The following CRB1 variants were observed in gnomAD, a reference collection of about 807,000 sequenced individuals.
The protein encoded by CRB1 is protein crumbs homolog 1.
In CRB1, 83 loss-of-function variants were observed where a neutral mutation model predicts 120.0. That is an observed-to-expected ratio of 0.69 (90% confidence interval 0.58 to 0.83). The LOEUF (loss-of-function observed/expected upper bound fraction) is 0.83, where lower values mean the gene tolerates loss of function less well. Among genes scored for constraint, CRB1 ranks in the 40% least tolerant of loss-of-function variants. CRB1 has a pLI of 0.00. For missense variants in CRB1, 1,699 were observed against 1,687.6 expected (o/e 1.01, Z -0.12); for synonymous variants, 625 against 612.5 (o/e 1.02, Z -0.30).
the CRB1 span, among the ~76,000 whole-genome samples, chr1:197,223,686 C>T: frequency 6.6e-6 from 1 of 152,076 alleles, no homozygotes; most frequent in Non-Finnish European, 1.5e-5. Flanking sequence ...TTGTAAATGT[C>T]TTCATTTGAT....
Position 197,268,334 on chromosome 1 carries a change from C to A in CRB1, c.-79C>A. ...GGGGTTCTGAGGCACCCGCTCCTCT[C>A]TGAGACAGACAGGGATCAGGAGCCG... On this transcript the variant is annotated 5_prime_UTR_variant, in exon 1 of 12. The change creates a new upstream start codon in the 5' untranslated region. Transcript: ENST00000367400. The A allele has an allele frequency of 9.3e-7, 1 of 1,069,738 alleles. No homozygotes were observed. Among genetic ancestry groups the A allele is most frequent in the Non-Finnish European group, 1.5e-6 (1 of 684,212 alleles). The allele number at this position is 1,069,738 out of a possible 1,614,324, so 66.3% of individuals were successfully genotyped here.
the CRB1 span, among the ~76,000 whole-genome samples, chr1:197,256,381 C>T: frequency 6.6e-6 from 1 of 151,848 alleles, no homozygotes; most frequent in African/African-American, 2.4e-5. Context: ...ACTCCTCTTA[C>T]CCACTAAGTG....
At chr1:197,351,659 A>G (rs897467312) in intron 4 of CRB1, among the ~76,000 whole-genome samples, 3 of 152,158 alleles carry the variant, frequency 2.0e-5, no homozygotes, top group Non-Finnish European at 4.4e-5. Context: ...TAGTGAGTAG[A>G]TTCCTAGGTA....
chr1:197,351,114 A>G (rs1477410005), intron 4 of CRB1, among the ~76,000 whole-genome samples: 1 of 150,824 alleles, frequency 6.6e-6, no homozygotes, highest in Non-Finnish European at 1.5e-5. Context: ...GACCAAAGCA[A>G]GCAGATCACT....
intron 2 of CRB1, among the ~76,000 whole-genome samples, chr1:197,341,007 G>A (rs1390143585): frequency 6.6e-6 from 1 of 152,128 alleles, no homozygotes; most frequent in Non-Finnish European, 1.5e-5. Context: ...GAGAGCTTGT[G>A]CAGGGAAACT....
chr1:197,422,461 T>G (rs2125473278), intron 6 of CRB1, among the ~76,000 whole-genome samples: 1 of 152,152 alleles, frequency 6.6e-6, no homozygotes, highest in African/African-American at 2.4e-5. Context: ...AAGCATAGCG[T>G]TTTTATAAAA....
chr1:197,296,399 C>T (rs555232889), intron 1 of CRB1, among the ~76,000 whole-genome samples: 4 of 152,116 alleles, frequency 2.6e-5, no homozygotes, highest in African/African-American at 9.6e-5. Context: ...CAAACTGTAC[C>T]TGGAATATAG....
At position 197,421,328 on chromosome 1, in the gene CRB1, A is replaced by G; in HGVS notation, c.1500A>G (p.Ser500=). The G allele has an allele frequency of 6.2e-7, 1 of 1,614,248 alleles. No individual in the cohort carries two copies. The highest frequency in any genetic ancestry group is 8.5e-7 in the Non-Finnish European group (1 of 1,180,046). ...GDGFLWVKSG[S]VTTKGSVCNI... is the part of the protein sequence containing the mutation. ...GCTTCCTGTGGGTCAAAAGTGGCTC[A>G]GTGACAACCAAGGGCTCAGTTTGTA... Residue 500 remains serine, a synonymous_variant, in exon 6 of 12, where the codon TCA becomes TCG. Transcript: ENST00000367400.
chr1:197,253,835 A>T, the CRB1 span, among the ~76,000 whole-genome samples: 1 of 152,102 alleles, frequency 6.6e-6, no homozygotes, highest in East Asian at 1.9e-4. Context: ...TAAGGAAATA[A>T]CAGCTTTTGT....
intron 5 of CRB1, among the ~76,000 whole-genome samples, chr1:197,374,449 C>T (rs1198973066): frequency 6.6e-6 from 1 of 152,026 alleles, no homozygotes; most frequent in Non-Finnish European, 1.5e-5. Context: ...TTCTTGCCCC[C>T]CCTGCATGCC....
intron 4 of CRB1, among the ~76,000 whole-genome samples, chr1:197,347,925 ATAAT>A (rs1369793506): frequency 6.6e-6 from 1 of 151,406 alleles, no homozygotes; most frequent in Non-Finnish European, 1.5e-5. Flanking sequence ...TCTATAAACC[ATAAT>A]TAAAGTTTAC....
chr1:197,363,678 T>A (rs1409155146), intron 5 of CRB1: 1 of 331,576 alleles, frequency 3.0e-6, no homozygotes, highest in Non-Finnish European at 5.8e-6. Flanking sequence ...AAGAGAACTT[T>A]CCCAACTCCC....
At chr1:197,380,833 G>A (rs1258954445) in intron 5 of CRB1, among the ~76,000 whole-genome samples, 1 of 152,150 alleles carries the variant, frequency 6.6e-6, no homozygotes, top group Non-Finnish European at 1.5e-5. Flanking sequence ...GCATCTCCAT[G>A]CCAAATTACA....
the CRB1 span, among the ~76,000 whole-genome samples, chr1:197,235,203 C>G: frequency 6.6e-6 from 1 of 152,078 alleles, no homozygotes; most frequent in Non-Finnish European, 1.5e-5. Flanking sequence ...TGTTTACTGT[C>G]CATGCCATTT....
chr1:197,362,993 A>G (rs1284469086), intron 5 of CRB1, among the ~76,000 whole-genome samples: 2 of 151,858 alleles, frequency 1.3e-5, no homozygotes, highest in Admixed American at 1.3e-4. Context: ...TTGGGATTTC[A>G]TCTTGATTTC....
the CRB1 span, chr1:197,222,862 G>GT: frequency 6.6e-7 from 1 of 1,509,646 alleles, no homozygotes; most frequent in Non-Finnish European, 9.2e-7. Flanking sequence ...GAGCTGGCAG[G>GT]TTTGGATGAA....
the CRB1 span, among the ~76,000 whole-genome samples, chr1:197,258,103 T>A: frequency 6.6e-6 from 1 of 152,214 alleles, no homozygotes; most frequent in Non-Finnish European, 1.5e-5. Context: ...AACTAGTATT[T>A]GATAACACAA....
At chr1:197,351,187 C>CAAAAAAAAAAAAAAAAA (rs780090689) in intron 4 of CRB1, among the ~76,000 whole-genome samples, 3 of 85,390 alleles carry the variant, frequency 3.5e-5, no homozygotes, top group Non-Finnish European at 6.6e-5. Context: ...ACTAAAAATA[C>CAAAAAAAAAAAAAAAAA]AAAAAAAAAA....
intron 5 of CRB1, among the ~76,000 whole-genome samples, chr1:197,406,571 A>C (rs1344812993): frequency 6.6e-6 from 1 of 152,158 alleles, no homozygotes; most frequent in Non-Finnish European, 1.5e-5. Flanking sequence ...AGAATGATCA[A>C]TAAAAAAATA....
Sources: gnomAD v4.1 joint callset for allele counts (sites outside exome capture counted in the v4.1 genomes callset) on GRCh38, gnomAD v4.1.1 for gene constraint, MANE v1.5 for transcripts, NCBI Gene and HGNC (gene_info 2026-07-23, HGNC 2026-07-21) for gene names.